The following KDM5B variants were observed in gnomAD, a reference collection of about 807,000 sequenced individuals.
The protein encoded by KDM5B is lysine-specific demethylase 5B.
Under a neutral mutation model 193.4 loss-of-function variants are expected in KDM5B, and 144 were observed. The observed-to-expected ratio is 0.74, with a 90% confidence interval of 0.65 to 0.86. The LOEUF (loss-of-function observed/expected upper bound fraction) is 0.86, where lower values mean the gene tolerates loss of function less well. Among genes scored for constraint, KDM5B ranks in the 40% least tolerant of loss-of-function variants. The pLI is 0.00. For missense variants in KDM5B, 1,833 were observed against 1,886.9 expected, an observed-to-expected ratio of 0.97 and a Z score of 0.53; for synonymous variants, 668 against 682.6, an observed-to-expected ratio of 0.98 and a Z score of 0.33.
At position 202,774,614 on chromosome 1, in the gene KDM5B, T is replaced by C; in HGVS notation, c.404A>G (p.Lys135Arg). 1 of 1,609,566 alleles carries C rather than the reference T, an allele frequency of 6.2e-7. No individual in the cohort carries two copies. Among genetic ancestry groups the C allele is most frequent in the Non-Finnish European group, 8.5e-7 (1 of 1,176,726 alleles). The change falls in exon 3 of 27, where the codon AAG becomes AGG. Residue 135 changes from lysine to arginine, a missense_variant and splice_region_variant. Lys to Arg is a conservative substitution (Grantham distance 26). This residue lies in a region of KDM5B where 355 missense variants were observed against 374.9 expected (regional missense o/e 0.95). Transcript: ENST00000367265. ...GTAAGATGGTCATTAGCTCTTTACC[T>C]TATTAAGCTGAAATAAGTCCAAGAT... is the stretch of plus-strand genomic sequence containing the variant. The part of the protein sequence containing the change: ...RKILDLFQLN[K>R]LVAEEGGFAV...
In KDM5B at chr1:202,808,147, C is replaced by G; in HGVS notation, c.159G>C (p.Arg53=). 1 of 1,613,146 alleles carries G rather than the reference C, an allele frequency of 6.2e-7. No individual in the cohort carries two copies. Among genetic ancestry groups the G allele is most frequent in the Non-Finnish European group, 8.5e-7 (1 of 1,179,558 alleles). Residue 53 remains arginine (R), a synonymous_variant, in exon 1 of 27, where the codon CGG becomes CGC. Transcript: ENST00000367265. ...ADPFAFIHKI[R]PIAEQTGICK... is the part of the protein sequence containing the mutation. ...AGATGCCAGTCTGCTCGGCTATGGG[C>G]CGGATCTTGTGGATGAAAGCGAAGG... is the stretch of plus-strand genomic sequence containing the variant.
At position 202,746,475 on chromosome 1, in the gene KDM5B, C is replaced by T. The variant is rs745689821; in HGVS notation, c.2017-152G>A. ...TAAAAATGTGTGGCATACAAAGAAA[C>T]AAATGACCTAGCAAATACAGGCAAG... On this transcript the variant is annotated intron_variant, in intron 14 of 26. Transcript: ENST00000367265. 4.8e-4 allele frequency: 257 copies of T among 538,576 alleles called. 1 individual carries two copies. The highest frequency in any genetic ancestry group is 7.0e-4 in the Admixed American group (20 of 28,424). The allele number at this position is 538,576 out of a possible 1,614,324, so 33.4% of individuals were successfully genotyped here.
Position 202,746,167 on chromosome 1 carries a change from A to G in KDM5B, c.2173T>C (p.Cys725Arg). 6.2e-7 allele frequency: 1 copy of G among 1,612,740 alleles called. No individual in the cohort carries two copies. The highest frequency in any genetic ancestry group is 8.5e-7 in the Non-Finnish European group (1 of 1,179,456). ...CGCAATTTATATTTGTAAGGAGGAC[A>G]GGAACACAATTCTTTTACATGATGC... ...CLHHVKELCS[C>R]PPYKYKLRYR... is the part of the protein sequence containing the mutation. Residue 725 changes from cysteine to arginine, a missense_variant, in exon 15 of 27, where the codon TGT (cysteine) becomes CGT (arginine). Cys to Arg is a radical substitution (Grantham distance 180, BLOSUM62 -3). Around this residue, in one of 3 missense-constraint regions of KDM5B, gnomAD observed 1,379 missense variants for 1,349.6 expected, o/e 1.02. Coordinates refer to ENST00000367265, the MANE Select transcript of KDM5B (RefSeq NM_006618.5).
chr1:202,732,090 G>T (rs1654909500), intron 23 of KDM5B, 151 bp from the exon 24 acceptor site: 4 of 586,096 alleles, frequency 6.8e-6, no homozygotes, highest in Non-Finnish European at 1.2e-5. Context: ...AGAGTCTCCT[G>T]GCATTTCAGA....
chr1:202,767,458 A>T (rs772019367), intron 4 of KDM5B: 15 of 1,174,662 alleles, frequency 1.3e-5, no homozygotes, highest in Non-Finnish European at 1.9e-5. Context: ...GCAGAGACCG[A>T]GGAAGGATGA....
chr1:202,748,555 A>G (rs2102247109), intron 14 of KDM5B, among the ~76,000 whole-genome samples: 1 of 152,172 alleles, frequency 6.6e-6, no homozygotes, highest in Admixed American at 6.5e-5. Flanking sequence ...GAATTATTAC[A>G]AAAACCAAAT....
rs752640442 is a variant in KDM5B, at chr1:202,808,161, T to C, written c.145A>G (p.Ile49Val). ...WEEFADPFAF[I>V]HKIRPIAEQT... Reference sequence around the variant, plus strand: ...TCGGCTATGGGCCGGATCTTGTGGATGAAAGCGAAGGGGTCCGCGAACTCT... The same window carrying C: ...TCGGCTATGGGCCGGATCTTGTGGACGAAAGCGAAGGGGTCCGCGAACTCT... The change falls in exon 1 of 27, where the codon ATC (isoleucine) becomes GTC (valine). Residue 49 changes from isoleucine (I) to valine (V), a missense_variant. Ile to Val is a conservative substitution (Grantham distance 29). This residue lies in a region of KDM5B where 355 missense variants were observed against 374.9 expected (regional missense o/e 0.95). Coordinates refer to ENST00000367265, the MANE Select transcript of KDM5B (RefSeq NM_006618.5). 7.4e-6 allele frequency: 12 copies of C among 1,613,136 alleles called. No individual in the cohort carries two copies. Among genetic ancestry groups the C allele is most frequent in the Middle Eastern group, 1.7e-4 (1 of 6,044 alleles).
chr1:202,775,455 T>C (rs531989937), intron 2 of KDM5B, among the ~76,000 whole-genome samples: 4 of 152,120 alleles, frequency 2.6e-5, no homozygotes, highest in African/African-American at 9.6e-5. Flanking sequence ...GAAAATCACT[T>C]GAACCTGGGA....
In KDM5B at chr1:202,753,026, G is replaced by C; in HGVS notation, c.1580C>G (p.Ala527Gly). The change falls in exon 12 of 27, where the codon GCT becomes GGT. Residue 527 changes from alanine to glycine, a missense_variant. Ala to Gly is a moderately conservative substitution (Grantham distance 60). Around this residue, in one of 3 missense-constraint regions of KDM5B, gnomAD observed 1,379 missense variants for 1,349.6 expected, o/e 1.02. Transcript: ENST00000367265. The part of the protein sequence containing the change: ...KTWYGVPGYA[A>G]EQLENVMKKL... Reference sequence around the variant, plus strand: ...CTTCATTACATTTTCTAGCTGCTCAGCAGCATACCCTGGGACTCCATACCA... The same window carrying C: ...CTTCATTACATTTTCTAGCTGCTCACCAGCATACCCTGGGACTCCATACCA... The C allele has an allele frequency of 6.2e-7, 1 of 1,614,088 alleles. No individual in the cohort carries two copies. The highest frequency in any genetic ancestry group is 1.3e-5 in the African/African-American group (1 of 75,036).
intron 18 of KDM5B, among the ~76,000 whole-genome samples, 169 bp from the exon 19 acceptor site, chr1:202,741,891 A>G (rs758754610): frequency 9.2e-5 from 14 of 152,172 alleles, no homozygotes; most frequent in Non-Finnish European, 1.9e-4. Context: ...CTAAGTGACT[A>G]TAACAGACAC....
At chr1:202,762,016 T>C (rs919712847) in intron 7 of KDM5B, among the ~76,000 whole-genome samples, 5 of 152,106 alleles carry the variant, frequency 3.3e-5, no homozygotes, top group African/African-American at 1.2e-4. Flanking sequence ...ATTAGAATAA[T>C]TTCTAGTTCC....
intron 25 of KDM5B, 89 bp downstream of exon 25, chr1:202,730,820 C>T: frequency 7.5e-7 from 1 of 1,341,434 alleles, no homozygotes; most frequent in Non-Finnish European, 1.0e-6. Flanking sequence ...AGTCCTCACA[C>T]CAGCTGTCTG....
chr1:202,767,198 A>T, intron 4 of KDM5B, 138 bp from the exon 5 acceptor site: 1 of 1,552,330 alleles, frequency 6.4e-7, no homozygotes, highest in South Asian at 1.1e-5. Flanking sequence ...AATACTCTTC[A>T]TATCTGTTAA....
At position 202,799,934 on chromosome 1, in the gene KDM5B, A is replaced by G. The variant is rs1658006276; in HGVS notation, c.204+8168T>C. On this transcript the variant is annotated intron_variant, in intron 1 of 26. Transcript: ENST00000367265. The stretch of plus-strand genomic sequence containing the variant: ...AGATTTTAAGGGACATTAATAGAAA[A>G]TATTTTCCAATGACCTAATTTTTAA... Among the ~76,000 whole-genome samples the G allele has an allele frequency of 2.0e-5, 3 of 152,216 alleles. 1 individual carries two copies. In the South Asian group the frequency reaches 6.2e-4, roughly 32 times the overall value.
chr1:202,740,594 C>A (rs547014465), intron 20 of KDM5B, 80 bp downstream of exon 20: 26 of 1,368,598 alleles, frequency 1.9e-5, no homozygotes, highest in Middle Eastern at 2.7e-4. Context: ...CTGACCCCCC[C>A]ACCTCCCTCC....
chr1:202,798,055 T>C (rs1657921039), intron 1 of KDM5B, among the ~76,000 whole-genome samples: 1 of 152,114 alleles, frequency 6.6e-6, no homozygotes, highest in Non-Finnish European at 1.5e-5. Context: ...TAGCTGGGCA[T>C]GATGGTATGC....
chr1:202,746,056 T>A (rs1376601237), intron 15 of KDM5B, 74 bp from the exon 16 acceptor site: 2 of 1,594,744 alleles, frequency 1.3e-6, no homozygotes. Context: ...ATACTTAACA[T>A]TTCAGCCCTA....
chr1:202,744,200 C>T (rs182973934), intron 16 of KDM5B, among the ~76,000 whole-genome samples: 4 of 152,268 alleles, frequency 2.6e-5, no homozygotes, highest in East Asian at 1.9e-4. Flanking sequence ...AGAAGACATA[C>T]GTATGGCCAA....
chr1:202,739,264 AG>A (rs1442383469), intron 20 of KDM5B, among the ~76,000 whole-genome samples: 2 of 152,228 alleles, frequency 1.3e-5, no homozygotes, highest in African/African-American at 2.4e-5. Context: ...CCCAGCTCCC[AG>A]AAAAAGTTGG....
Sources: gnomAD v4.1 joint callset for allele counts (sites outside exome capture counted in the v4.1 genomes callset) on GRCh38, gnomAD v4.1.1 for gene constraint, gnomAD v4.1.1 regional missense constraint, MANE v1.5 for transcripts, NCBI Gene and HGNC (gene_info 2026-07-23, HGNC 2026-07-21) for gene names.